The following HFM1 variants were observed in gnomAD, a reference collection of about 807,000 sequenced individuals.
HFM1 encodes helicase for meiosis 1, also known as probable ATP-dependent DNA helicase HFM1.
HFM1 carries 169 observed loss-of-function variants against 192.1 expected under a neutral mutation model. The observed-to-expected ratio is 0.88, with a 90% confidence interval of 0.78 to 1.00. HFM1 has a LOEUF of 1.00. HFM1 is among the 50% of genes least tolerant of loss of function. HFM1 has a pLI of 0.00. For missense variants in HFM1, 1,661 were observed against 1,668.0 expected (o/e 1.00, Z 0.07); for synonymous variants, 525 against 537.8 (o/e 0.98, Z 0.33).
At chr1:91,402,582 G>T (rs1227529464) in intron 1 of HFM1, among the ~76,000 whole-genome samples, 1 of 152,086 alleles carries the variant, frequency 6.6e-6, no homozygotes, top group African/African-American at 2.4e-5. Context: ...AGAAATATGC[G>T]AAGTCTTTAA....
chr1:91,322,987 C>T lies in HFM1; in HGVS notation c.2545G>A (p.Glu849Lys). 1 of 1,374,916 alleles carries T rather than the reference C, an allele frequency of 7.3e-7. No individual in the cohort carries two copies. Among genetic ancestry groups the T allele is most frequent in the Non-Finnish European group, 9.8e-7 (1 of 1,023,010 alleles). The allele number at this position is 1,374,916 out of a possible 1,614,324, so 85.2% of individuals were successfully genotyped here. A position where few individuals can be genotyped will look rare whatever the true frequency, so the allele number is the denominator to read the frequency against. The change falls in exon 23 of 39, where the codon GAA becomes AAA. Residue 849 changes from glutamate to lysine, a missense_variant. By Grantham distance (56) the Glu-to-Lys change is moderately conservative. Coordinates refer to ENST00000370425, the MANE Select transcript of HFM1 (RefSeq NM_001017975.6). ...PNRITIRFPM[E>K]GRIKTREMKV... ...ATTTCTCTTGTTTTAATTCTTCCTTCCATTGGAAATCTGTAAATAAAACCA... is the reference window on the plus strand; with the variant it reads ...ATTTCTCTTGTTTTAATTCTTCCTTTCATTGGAAATCTGTAAATAAAACCA...
chr1:91,318,961 C>G lies in HFM1; in HGVS notation c.2812+117G>C, dbSNP rs1570933832. 3.0e-6 allele frequency: 3 copies of G among 989,424 alleles called. No homozygotes were observed. The South Asian group carries it at 5.6e-5, about 19-fold the overall frequency. 61.3% of individuals were successfully genotyped at this position (989,424 alleles called of 1,614,324 possible). On this transcript the variant is annotated intron_variant, in intron 25 of 38. Transcript: ENST00000370425. ...TTCGAAAGTACAGCACTTATTTAAGCCTACAAACACATACCTTCCTTGAAG... is the reference window on the plus strand; with the variant it reads ...TTCGAAAGTACAGCACTTATTTAAGGCTACAAACACATACCTTCCTTGAAG...
intron 20 of HFM1, chr1:91,328,945 T>C: frequency 3.7e-6 from 6 of 1,612,220 alleles, no homozygotes; most frequent in Non-Finnish European, 5.1e-6. Flanking sequence ...TCGGCAGCCC[T>C]GTGCTAATGC....
At chr1:91,273,557 A>G (rs1276915341) in intron 34 of HFM1, among the ~76,000 whole-genome samples, 155 bp downstream of exon 34, 1 of 152,200 alleles carries the variant, frequency 6.6e-6, no homozygotes, top group Admixed American at 6.5e-5. Context: ...TAACAGACCC[A>G]AGAATTTGAA....
rs750272566 is a variant in HFM1 at position 91,392,789 on chromosome 1, G to A, written c.494+1304C>T. 1.6e-4 allele frequency among the ~76,000 whole-genome samples: 24 copies of A among 152,102 alleles called. No homozygotes were observed. The East Asian group carries it at 1.7e-3, about 11-fold the overall frequency. ...ATTCACCTCCAAAAAAAAATGTTAC[G>A]TTAAGTGAAAGAAGCCAGGCACAAA... is the stretch of plus-strand genomic sequence containing the variant. On this transcript the variant is annotated intron_variant, in intron 4 of 38. Coordinates refer to ENST00000370425, the MANE Select transcript of HFM1 (RefSeq NM_001017975.6).
chr1:91,385,788 C>T lies in HFM1; in HGVS notation c.541G>A (p.Asp181Asn), dbSNP rs1377029528. The T allele has an allele frequency of 9.3e-6, 15 of 1,606,820 alleles. No individual in the cohort carries two copies. The highest frequency in any genetic ancestry group is 1.3e-5 in the Non-Finnish European group (15 of 1,173,724). Residue 181 changes from aspartate (D) to asparagine (N), a missense_variant, in exon 5 of 39, where the codon GAC becomes AAC. Physicochemically the swap from Asp to Asn is conservative, Grantham distance 23 (BLOSUM62 1). Transcript: ENST00000370425. The part of the protein sequence containing the change: ...DNIHGSAYSN[D>N]NELDSHIGSV... ...CCAATGTGAGAGTCCAATTCATTGT[C>T]ATTAGAATAAGCACTCCCATGTATA...
Position 91,276,963 on chromosome 1 carries a change from C to T in HFM1, c.3472+19G>A. 1 of 1,464,098 alleles carries T rather than the reference C, an allele frequency of 6.8e-7. No individual in the cohort carries two copies. Among genetic ancestry groups the T allele is most frequent in the Non-Finnish European group, 9.4e-7 (1 of 1,068,430 alleles). 90.7% of individuals were successfully genotyped at this position (1,464,098 alleles called of 1,614,324 possible). ...TTCAATTTTGAACACTTTAAATAAA[C>T]TTGTTTTAAGGAACTCACAGCAGTC... On this transcript the variant is annotated intron_variant, in intron 31 of 38. Coordinates refer to ENST00000370425, the MANE Select transcript of HFM1 (RefSeq NM_001017975.6).
intron 6 of HFM1, among the ~76,000 whole-genome samples, chr1:91,384,874 G>T (rs1204341261): frequency 6.6e-6 from 1 of 151,814 alleles, no homozygotes; most frequent in Non-Finnish European, 1.5e-5. Flanking sequence ...CCCCTGAGTA[G>T]CTGGGATTAC....
intron 13 of HFM1, among the ~76,000 whole-genome samples, chr1:91,364,632 A>ATTTTTTTTTTT (rs61550398): frequency 4.5e-5 from 3 of 66,786 alleles, no homozygotes; most frequent in African/African-American, 6.4e-5. Flanking sequence ...ATATATATAT[A>ATTTTTTTTTTT]TTTTTTTTTT....
At chr1:91,336,926 T>C (rs925109006) in intron 20 of HFM1, among the ~76,000 whole-genome samples, 3 of 152,174 alleles carry the variant, frequency 2.0e-5, no homozygotes, top group African/African-American at 7.2e-5. Flanking sequence ...ATATGTCCTC[T>C]GCAGGAAAAT....
chr1:91,378,085 G>A lies in HFM1; in HGVS notation c.1335C>T (p.Thr445=). The A allele has an allele frequency of 6.2e-7, 1 of 1,611,366 alleles. No homozygotes were observed. Among genetic ancestry groups the A allele is most frequent in the Non-Finnish European group, 8.5e-7 (1 of 1,178,164 alleles). The change falls in exon 11 of 39, where the codon ACC becomes ACT. Residue 445 remains threonine, a synonymous_variant. Coordinates refer to ENST00000370425, the MANE Select transcript of HFM1 (RefSeq NM_001017975.6). The stretch of plus-strand genomic sequence containing the variant: ...CAAATCGCATTGGAATAGCAGTGCT[G>A]GTATTTTTTAAAGTCTGAGAAACAG... ...VQSVSQTLKN[T]STAIPMRFVA...
intron 25 of HFM1, among the ~76,000 whole-genome samples, chr1:91,316,780 G>T (rs1291598606): frequency 6.6e-6 from 1 of 152,114 alleles, no homozygotes; most frequent in African/African-American, 2.4e-5. Context: ...CAAGAGATAT[G>T]TATTTTTGTA....
chr1:91,314,450 G>A (rs768892426), intron 28 of HFM1, among the ~76,000 whole-genome samples: 6 of 151,932 alleles, frequency 3.9e-5, no homozygotes, highest in Non-Finnish European at 7.4e-5. Flanking sequence ...TAGAAATAGG[G>A]TCTCACTTTG....
rs189998243 is a variant in HFM1, at chr1:91,261,298, T to C, written c.4300A>G (p.Ile1434Val). The C allele has an allele frequency of 6.7e-6, 9 of 1,344,126 alleles. No homozygotes were observed. The Admixed American group carries it at 2.2e-4, about 33-fold the overall frequency. 83.3% of individuals were successfully genotyped at this position (1,344,126 alleles called of 1,614,324 possible). ...AAAAGTATTTGTTTGTTTTAGAAAA[T>C]ACCATCAAATATTCCCAATAAAGAC... is the stretch of plus-strand genomic sequence containing the variant. ...MKSLLGIFDG[I>V]F Residue 1434 changes from isoleucine (I) to valine (V), a missense_variant, in exon 39 of 39, where the codon ATT (isoleucine) becomes GTT (valine). Transcript: ENST00000370425.
chr1:91,309,084 G>T (rs1421664164), intron 30 of HFM1, among the ~76,000 whole-genome samples: 1 of 152,190 alleles, frequency 6.6e-6, no homozygotes, highest in Non-Finnish European at 1.5e-5. Context: ...AAAGGAAGAA[G>T]ATGAAGGCTC....
rs1571230611 is a variant in HFM1 at position 91,394,181 on chromosome 1, T to C, written c.406A>G (p.Ile136Val). Residue 136 changes from isoleucine (I) to valine (V), a missense_variant, in exon 4 of 39, where the codon ATA becomes GTA. Physicochemically the swap from Ile to Val is conservative, Grantham distance 29. Transcript: ENST00000370425. The stretch of plus-strand genomic sequence containing the variant: ...TCAGGAACACTCTTCTCAGGTGCTA[T>C]CTCAGTGCCAATGTGATTTTTATAT... ...QKYKNHIGTE[I>V]APEKSVPDDT... is the part of the protein sequence containing the mutation. 1.2e-6 allele frequency: 2 copies of C among 1,607,638 alleles called. No homozygotes were observed. Among genetic ancestry groups the C allele is most frequent in the East Asian group, 2.2e-5 (1 of 44,754 alleles).
chr1:91,354,472 C>T (rs1464002986), intron 13 of HFM1, among the ~76,000 whole-genome samples: 2 of 152,046 alleles, frequency 1.3e-5, no homozygotes, highest in African/African-American at 2.4e-5. Context: ...GAGACATGGA[C>T]ATCCAGTTCC....
rs1288397011 is a variant in HFM1 at position 91,319,208 on chromosome 1, C to A, written c.2682G>T (p.Trp894Cys). ...IFRHGSRITRWLSDFVAAQEK... is the reference protein window; with the variant it reads ...IFRHGSRITRCLSDFVAAQEK... ...CTTGAGCAGCTACAAAATCTGACAA[C>A]CCTAAAAAAAAAGTTTCCAGTATTA... Residue 894 changes from tryptophan (W) to cysteine (C), a missense_variant and splice_region_variant, in exon 25 of 39, where the codon TGG becomes TGT. By Grantham distance (215) the Trp-to-Cys change is radical. Transcript: ENST00000370425. 2 of 1,602,490 alleles carry A rather than the reference C, an allele frequency of 1.2e-6. No homozygotes were observed. The highest frequency in any genetic ancestry group is 1.1e-5 in the South Asian group (1 of 88,250).
intron 13 of HFM1, among the ~76,000 whole-genome samples, chr1:91,362,782 T>C (rs944093372): frequency 1.3e-5 from 2 of 152,054 alleles, no homozygotes; most frequent in Admixed American, 6.6e-5. Flanking sequence ...CTTCAAACTA[T>C]ACTATTATAG....
Sources: allele counts gnomAD v4.1 joint callset (sites outside exome capture counted in the v4.1 genomes callset), GRCh38; gene constraint gnomAD v4.1.1; transcripts MANE v1.5; gene names NCBI Gene and HGNC (gene_info 2026-07-23, HGNC 2026-07-21).